Variants in CDHR3 observed in about 807,000 individuals in gnomAD.
CDHR3 encodes cadherin-related family member 3.
A neutral mutation model predicts 86.6 loss-of-function variants in CDHR3; 79 were observed. That is an observed-to-expected ratio of 0.91 (90% CI 0.76 to 1.10). The LOEUF is 1.10. Ranked by LOEUF, CDHR3 falls within the 50% of genes least tolerant of loss-of-function variation. The probability of loss-of-function intolerance (pLI) is 0.00; values close to 1 mark genes in which losing one functional copy is unlikely to be tolerated. For missense variants in CDHR3, 1,081 were observed against 1,077.6 expected, an observed-to-expected ratio of 1.00 and a Z score of -0.04; for synonymous variants, 421 against 402.4, an observed-to-expected ratio of 1.05 and a Z score of -0.55.
rs765106799 is a variant in CDHR3 at position 106,022,371 on chromosome 7, C to T, written c.1999C>T (p.Leu667Phe). 4 of 1,614,014 alleles carry T rather than the reference C, an allele frequency of 2.5e-6. No individual in the cohort carries two copies. Among genetic ancestry groups the T allele is most frequent in the Non-Finnish European group, 2.5e-6 (3 of 1,179,896 alleles). ...GTCTGACAGGAAGAAAGCGGAGGCTCTTGTTGAGACAGGAACAGTGACACT... is the reference window on the plus strand; with the variant it reads ...GTCTGACAGGAAGAAAGCGGAGGCTTTTGTTGAGACAGGAACAGTGACACT... ...LMSDRKKAEALVETGTVTLSI... is the reference protein window; with the variant it reads ...LMSDRKKAEAFVETGTVTLSI... Residue 667 changes from leucine (L) to phenylalanine (F), a missense_variant, in exon 14 of 19, where the codon CTT becomes TTT. Transcript: ENST00000317716.
rs1243268072 is a variant in CDHR3, at chr7:106,004,507, C to T, written c.872C>T (p.Thr291Ile). 2 of 1,613,820 alleles carry T rather than the reference C, an allele frequency of 1.2e-6. No homozygotes were observed. Among genetic ancestry groups the T allele is most frequent in the Admixed American group, 1.7e-5 (1 of 60,024 alleles). Residue 291 changes from threonine to isoleucine, a missense_variant, in exon 8 of 19, where the codon ACA (threonine) becomes ATA (isoleucine). Coordinates refer to ENST00000317716, the MANE Select transcript of CDHR3 (RefSeq NM_152750.5). Reference protein sequence around the residue: ...KYFMINQLTGTIQVAQRIDRD... With the variant: ...KYFMINQLTGIIQVAQRIDRD... ...ACCTTTGCTTTCTCAGTGACTGGTA[C>T]AATCCAAGTGGCCCAAAGGATAGAC...
intron 8 of CDHR3, among the ~76,000 whole-genome samples, chr7:106,009,670 C>T (rs1041759372): frequency 1.3e-5 from 2 of 152,216 alleles, no homozygotes; most frequent in African/African-American, 4.8e-5. Flanking sequence ...CCCCTGCTGC[C>T]CGCGCGGGCT....
chr7:105,965,452 C>T (rs903913835), intron 1 of CDHR3, among the ~76,000 whole-genome samples: 7 of 151,928 alleles, frequency 4.6e-5, no homozygotes, highest in Admixed American at 1.3e-4. Flanking sequence ...CCAGCCTGGG[C>T]GACAGAGTGA....
In CDHR3 at chr7:106,032,715, G is replaced by A. The variant is rs1186635839; in HGVS notation, c.*18G>A. The A allele has an allele frequency of 6.3e-7, 1 of 1,595,596 alleles. No homozygotes were observed. The highest frequency in any genetic ancestry group is 8.6e-7 in the Non-Finnish European group (1 of 1,169,504). ...GAAAGTAAACGGGGTCTAAGGAGGG[G>A]CCTGTCAATCACTGAGATGCTGCCT... On this transcript the variant is annotated 3_prime_UTR_variant, in exon 19 of 19. Coordinates refer to ENST00000317716, the MANE Select transcript of CDHR3 (RefSeq NM_152750.5).
chr7:105,977,102 A>G (rs1201699312), intron 2 of CDHR3, among the ~76,000 whole-genome samples: 2 of 151,854 alleles, frequency 1.3e-5, no homozygotes, highest in African/African-American at 4.8e-5. Flanking sequence ...CAGGCACTGC[A>G]CCACCACACG....
chr7:105,981,318 GT>G (rs921279219), intron 3 of CDHR3, among the ~76,000 whole-genome samples, 185 bp downstream of exon 3: 1 of 152,170 alleles, frequency 6.6e-6, no homozygotes, highest in African/African-American at 2.4e-5. Context: ...ATGTCCAACA[GT>G]TTGCAAAGCC....
chr7:105,999,835 C>G (rs1832859911), intron 6 of CDHR3, among the ~76,000 whole-genome samples: 1 of 152,254 alleles, frequency 6.6e-6, no homozygotes, highest in African/African-American at 2.4e-5. Context: ...GTCTAACCAG[C>G]TCCCTGGTGA....
intron 8 of CDHR3, among the ~76,000 whole-genome samples, chr7:106,005,172 C>A (rs568195597): frequency 6.6e-6 from 1 of 152,246 alleles, no homozygotes; most frequent in Admixed American, 6.5e-5. Flanking sequence ...TAAAACCAAA[C>A]AAAGCATCGA....
chr7:106,028,934 TTCTTTC>T lies in CDHR3; in HGVS notation c.2304+354_2304+359del, dbSNP rs1465059829. Among the ~76,000 whole-genome samples the T allele has an allele frequency of 3.7e-3, 416 of 112,202 alleles. 4 individuals are homozygous for T. The highest frequency in any genetic ancestry group is 4.9e-3 in the Non-Finnish European group (262 of 53,116). The allele number at this position is 112,202 out of a possible 152,430, so 73.6% of individuals were successfully genotyped here. A position where few individuals can be genotyped will look rare whatever the true frequency, so the allele number is the denominator to read the frequency against. ...ATTTAAATTTTCTTTCTTTCTTTCT[TTCTTTC>T]TTTCTTTCTTTCTTTCTTTCTTTCT... On this transcript the variant is annotated intron_variant, in intron 17 of 18. Transcript: ENST00000317716.
At chr7:105,978,723 A>G (rs41266) in intron 2 of CDHR3, among the ~76,000 whole-genome samples, 51,071 of 152,104 alleles carry the variant, frequency 0.34, 10,075 homozygotes, top group Non-Finnish European at 0.44. Flanking sequence ...AACAACAACA[A>G]CGAGAACAGT....
At chr7:105,982,481 G>GAAA (rs1224349907) in intron 3 of CDHR3, among the ~76,000 whole-genome samples, 1 of 108,398 alleles carries the variant, frequency 9.2e-6, no homozygotes, top group Non-Finnish European at 1.9e-5. Context: ...AAAAAAAAAA[G>GAAA]AAAAAAAAAA....
intron 1 of CDHR3, among the ~76,000 whole-genome samples, chr7:105,972,824 A>T (rs1008565701): frequency 6.6e-6 from 1 of 152,200 alleles, no homozygotes; most frequent in African/African-American, 2.4e-5. Flanking sequence ...CCTTGTCCAT[A>T]AAACTTGATA....
Position 106,022,237 on chromosome 7 carries a change from G to C in CDHR3, c.1865G>C (p.Gly622Ala), listed in dbSNP as rs772129631. Residue 622 changes from glycine to alanine, a missense_variant, in exon 14 of 19, where the codon GGT (glycine) becomes GCT (alanine). By Grantham distance (60) the Gly-to-Ala change is moderately conservative (BLOSUM62 0). Coordinates refer to ENST00000317716, the MANE Select transcript of CDHR3 (RefSeq NM_152750.5). ...NNHFTFSPNAGSNVTRLLLTS... is the reference protein window; with the variant it reads ...NNHFTFSPNAASNVTRLLLTS... ...CATTTCACCTTCTCTCCCAATGCTG[G>C]TTCCAATGTCACACGCCTGCTGCTT... is the stretch of plus-strand genomic sequence containing the variant. The C allele has an allele frequency of 6.2e-7, 1 of 1,613,968 alleles. No individual in the cohort carries two copies. The highest frequency in any genetic ancestry group is 8.5e-7 in the Non-Finnish European group (1 of 1,179,888).
intron 4 of CDHR3, among the ~76,000 whole-genome samples, chr7:105,991,313 C>T (rs1187940216): frequency 6.6e-6 from 1 of 152,056 alleles, no homozygotes; most frequent in Non-Finnish European, 1.5e-5. Context: ...ATTATCTCCT[C>T]TCTAAGTACA....
chr7:105,968,491 G>A (rs149171684), intron 1 of CDHR3, among the ~76,000 whole-genome samples: 1 of 152,146 alleles, frequency 6.6e-6, no homozygotes, highest in African/African-American at 2.4e-5. Flanking sequence ...CTCCCAAGTA[G>A]CTGGGATTAC....
chr7:106,006,059 G>A (rs921490432), intron 8 of CDHR3, among the ~76,000 whole-genome samples: 3 of 152,210 alleles, frequency 2.0e-5, no homozygotes, highest in African/African-American at 7.2e-5. Flanking sequence ...AGGCAAGGAG[G>A]AGCAAGTCAC....
chr7:105,989,285 C>T (rs1324020098), intron 4 of CDHR3, among the ~76,000 whole-genome samples: 2 of 151,130 alleles, frequency 1.3e-5, no homozygotes, highest in Admixed American at 6.6e-5. Flanking sequence ...TCAACTCCCA[C>T]ACTCTCTGCT....
At chr7:106,028,473 A>C in intron 16 of CDHR3, 78 bp from the exon 17 acceptor site, 4 of 1,495,494 alleles carry the variant, frequency 2.7e-6, no homozygotes, top group Non-Finnish European at 3.7e-6. Context: ...TTTAGGGGAA[A>C]TACCGTTGTG....
chr7:106,013,670 C>A (rs954128723), intron 9 of CDHR3, among the ~76,000 whole-genome samples: 1 of 152,178 alleles, frequency 6.6e-6, no homozygotes, highest in African/African-American at 2.4e-5. Context: ...AAGCCAGCAA[C>A]CCGCTACCCT....
Sources: gnomAD v4.1 joint callset for allele counts (sites outside exome capture counted in the v4.1 genomes callset) on GRCh38, gnomAD v4.1.1 for gene constraint, MANE v1.5 for transcripts, NCBI Gene and HGNC (gene_info 2026-07-23, HGNC 2026-07-21) for gene names.